CNTNAP5: variants seen among roughly 807,000 people sequenced by gnomAD.
The protein encoded by CNTNAP5 is contactin-associated protein-like 5.
CNTNAP5 carries 72 observed loss-of-function variants against 150.2 expected under a neutral mutation model. That is an observed-to-expected ratio of 0.48 (90% CI 0.40 to 0.58). CNTNAP5 has a LOEUF of 0.58. CNTNAP5 is among the 20% of genes least tolerant of loss of function. The probability of loss-of-function intolerance (pLI) is 0.00; values close to 1 mark genes in which losing one functional copy is unlikely to be tolerated. For synonymous variants in CNTNAP5, 672 were observed against 619.8 expected (o/e 1.08, Z -1.25); for missense variants, 1,636 against 1,626.2 (o/e 1.01, Z -0.10).
At chr2:124,685,761 T>TGA (rs138014725) in intron 13 of CNTNAP5, among the ~76,000 whole-genome samples, 2 of 133,818 alleles carry the variant, frequency 1.5e-5, no homozygotes, top group African/African-American at 2.9e-5. Context: ...TGTGTGTGTG[T>TGA]GCGCGCGCGT....
intron 8 of CNTNAP5, among the ~76,000 whole-genome samples, chr2:124,522,954 C>T (rs1244608562): frequency 6.6e-6 from 1 of 152,184 alleles, no homozygotes; most frequent in African/African-American, 2.4e-5. Context: ...CTGTTCCACC[C>T]AGAATTGCAA....
rs3036301 is a variant in CNTNAP5, at chr2:124,042,783, CATCTATCTATCTATCTATCT to C, written c.82+17079_82+17098del. Among the ~76,000 whole-genome samples, 6 of 148,232 alleles carry C rather than the reference CATCTATCTATCTATCTATCT, an allele frequency of 4.0e-5. No homozygotes were observed. The East Asian group carries it at 1.0e-3, about 25-fold the overall frequency. On this transcript the variant is annotated intron_variant, in intron 1 of 23. Coordinates refer to ENST00000682447, the MANE Select transcript of CNTNAP5 (RefSeq NM_001367498.1). ...CTCTTGCATAAGCGTAACTCTCTAT[CATCTATCTATCTATCTATCT>C]ATCTATCTATCTATCTATCTATCTA...
chr2:124,443,367 T>C (rs1692723940), intron 5 of CNTNAP5, among the ~76,000 whole-genome samples: 1 of 151,572 alleles, frequency 6.6e-6, no homozygotes, highest in South Asian at 2.1e-4. Context: ...TGTATTCTGA[T>C]AAAGATTTTC....
At chr2:124,451,045 A>ATAT (rs1287236471) in intron 6 of CNTNAP5, among the ~76,000 whole-genome samples, 3 of 75,312 alleles carry the variant, frequency 4.0e-5, no homozygotes, top group East Asian at 3.0e-4. Context: ...AAAAAAAAAA[A>ATAT]AAAAAAATAT....
chr2:124,536,011 CAT>C (rs754885876), intron 10 of CNTNAP5, among the ~76,000 whole-genome samples: 11 of 152,088 alleles, frequency 7.2e-5, no homozygotes, highest in Non-Finnish European at 1.5e-4. Flanking sequence ...CGCGGTAATA[CAT>C]ATGTTTTAGT....
Position 124,193,425 on chromosome 2 carries a change from T to C in CNTNAP5, c.83-28280T>C, listed in dbSNP as rs1372802051. ...AGAGATCTTTGTATCTTTTGTTCAT[T>C]GATATATCCCAAGCATCCAGGGCTA... On this transcript the variant is annotated intron_variant, in intron 1 of 23. Transcript: ENST00000682447. Among the ~76,000 whole-genome samples, 3 of 152,228 alleles carry C rather than the reference T, an allele frequency of 2.0e-5. No individual in the cohort carries two copies. In the East Asian group the frequency reaches 5.8e-4, roughly 29 times the overall value.
intron 7 of CNTNAP5, among the ~76,000 whole-genome samples, chr2:124,490,439 G>GGAAAGA (rs1693992865): frequency 6.6e-6 from 1 of 150,892 alleles, no homozygotes; most frequent in Non-Finnish European, 1.5e-5. Flanking sequence ...AGAAAGAAAG[G>GGAAAGA]GAAAGAGAAA....
At chr2:124,400,685 T>TTG (rs1553464895) in intron 3 of CNTNAP5, among the ~76,000 whole-genome samples, 29,184 of 140,492 alleles carry the variant, frequency 0.21, 2,618 homozygotes, top group Admixed American at 0.28. Context: ...TTTTTTTTTT[T>TTG]TTTGTTTTTT....
intron 11 of CNTNAP5, among the ~76,000 whole-genome samples, chr2:124,568,963 G>T (rs750134621): frequency 2.6e-5 from 4 of 152,176 alleles, no homozygotes; most frequent in Non-Finnish European, 4.4e-5. Context: ...CAGAAGAATG[G>T]CATGAGCCTG....
intron 19 of CNTNAP5, among the ~76,000 whole-genome samples, chr2:124,844,614 G>T (rs1419430482): frequency 6.6e-6 from 1 of 152,012 alleles, no homozygotes; most frequent in Non-Finnish European, 1.5e-5. Context: ...TCACAATATT[G>T]ATTCTACCCA....
At chr2:124,113,792 T>G (rs1020086095) in intron 1 of CNTNAP5, among the ~76,000 whole-genome samples, 1 of 151,990 alleles carries the variant, frequency 6.6e-6, no homozygotes, top group Non-Finnish European at 1.5e-5. Flanking sequence ...TTTATAATCC[T>G]TTTGAAATTA....
chr2:124,706,798 G>GGAGAAGA (rs1679657462), intron 13 of CNTNAP5, among the ~76,000 whole-genome samples: 1 of 7,326 alleles, frequency 1.4e-4, no homozygotes, highest in African/African-American at 3.6e-4. Flanking sequence ...GAAGAAGAAG[G>GGAGAAGA]AGGAGGAGGA....
At chr2:124,121,023 A>G (rs960764785) in intron 1 of CNTNAP5, among the ~76,000 whole-genome samples, 1 of 152,118 alleles carries the variant, frequency 6.6e-6, no homozygotes, top group Admixed American at 6.5e-5. Flanking sequence ...GTTCATCTGT[A>G]TAACAGATTT....
intron 12 of CNTNAP5, among the ~76,000 whole-genome samples, chr2:124,628,071 AG>A (rs1421581030): frequency 2.0e-5 from 3 of 152,218 alleles, no homozygotes; most frequent in African/African-American, 7.2e-5. Context: ...CTATGTAAAA[AG>A]ACTGAGCCTA....
intron 18 of CNTNAP5, among the ~76,000 whole-genome samples, chr2:124,794,379 G>A (rs537482957): frequency 6.6e-6 from 1 of 152,278 alleles, no homozygotes; most frequent in South Asian, 2.1e-4. Context: ...CATTCGATGA[G>A]CACTCTACAA....
chr2:124,413,757 G>A (rs867463003), intron 3 of CNTNAP5, among the ~76,000 whole-genome samples: 9 of 10,156 alleles, frequency 8.9e-4, no homozygotes, highest in African/African-American at 1.3e-3. Flanking sequence ...GGGAGGGATA[G>A]AATTGGGAGA....
At chr2:124,176,019 G>A (rs1033567567) in intron 1 of CNTNAP5, among the ~76,000 whole-genome samples, 6 of 152,150 alleles carry the variant, frequency 3.9e-5, no homozygotes, top group Admixed American at 6.5e-5. Context: ...ATGTGGAAAC[G>A]AACACACTAG....
chr2:124,755,632 C>T (rs2105155337), intron 14 of CNTNAP5, among the ~76,000 whole-genome samples: 1 of 152,252 alleles, frequency 6.6e-6, no homozygotes, highest in East Asian at 1.9e-4. Flanking sequence ...TGGTCCATGG[C>T]AATGCTCTCT....
intron 10 of CNTNAP5, among the ~76,000 whole-genome samples, chr2:124,545,505 A>T (rs897593939): frequency 1.3e-5 from 2 of 152,142 alleles, no homozygotes; most frequent in African/African-American, 2.4e-5. Flanking sequence ...TGGTGGAAAT[A>T]TTGGTCCCTT....
Sources: gnomAD v4.1 joint callset for allele counts (sites outside exome capture counted in the v4.1 genomes callset) on GRCh38, gnomAD v4.1.1 for gene constraint, MANE v1.5 for transcripts, NCBI Gene and HGNC (gene_info 2026-07-23, HGNC 2026-07-21) for gene names.